The following ABCA9 variants were observed in gnomAD, a reference collection of about 807,000 sequenced individuals.
ABCA9 encodes the protein ATP-binding cassette sub-family A member 9.
Under a neutral mutation model 205.3 loss-of-function variants are expected in ABCA9, and 183 were observed. The observed-to-expected ratio is 0.89, with a 90% CI of 0.79 to 1.01. ABCA9 has a LOEUF of 1.01. Ranked by LOEUF, ABCA9 falls within the 50% of genes least tolerant of loss-of-function variation. The probability of loss-of-function intolerance (pLI) is 0.00; values close to 1 mark genes in which losing one functional copy is unlikely to be tolerated. For missense variants in ABCA9, 1,805 were observed against 1,912.4 expected, an observed-to-expected ratio of 0.94 and a Z score of 1.05; for synonymous variants, 651 against 683.3, an observed-to-expected ratio of 0.95 and a Z score of 0.74.
At chr17:69,015,530 A>G (rs962166639) in intron 22 of ABCA9, among the ~76,000 whole-genome samples, 3 of 152,178 alleles carry the variant, frequency 2.0e-5, no homozygotes, top group African/African-American at 7.2e-5. Flanking sequence ...CCCCAGATCT[A>G]ATAAAGCTGA....
chr17:69,005,000 C>T (rs2070070786), intron 25 of ABCA9, among the ~76,000 whole-genome samples: 1 of 152,206 alleles, frequency 6.6e-6, no homozygotes, highest in African/African-American at 2.4e-5. Context: ...TGCGCGCACC[C>T]ACTGACCTGC....
chr17:69,046,184 A>G (rs546915356), intron 3 of ABCA9, among the ~76,000 whole-genome samples: 2 of 152,366 alleles, frequency 1.3e-5, no homozygotes, highest in Non-Finnish European at 2.9e-5. Context: ...CAAAGACAGA[A>G]TAAAACTGTT....
rs918524718 is a variant in ABCA9 at position 69,032,414 on chromosome 17, G to A, written c.1277-138C>T. On this transcript the variant is annotated intron_variant, in intron 9 of 38. Transcript: ENST00000340001. ...GGTCTGTATTAATTACTGTTTTAAT[G>A]TGCTTTTGACACACACAGAACAGTG... is the stretch of plus-strand genomic sequence containing the variant. 12 of 773,034 alleles carry A rather than the reference G, an allele frequency of 1.6e-5. No individual in the cohort carries two copies. In the African/African-American group the frequency reaches 1.6e-4, roughly 10 times the overall value. 47.9% of individuals were successfully genotyped at this position (773,034 alleles called of 1,614,324 possible).
intron 25 of ABCA9, among the ~76,000 whole-genome samples, chr17:69,000,511 G>T (rs1361919555): frequency 6.6e-6 from 1 of 150,406 alleles, no homozygotes; most frequent in African/African-American, 2.5e-5. Flanking sequence ...CCAGTACCAT[G>T]CTGTTTTGGT....
intron 5 of ABCA9, among the ~76,000 whole-genome samples, chr17:69,043,923 G>A (rs76734566): frequency 0.04 from 6,102 of 152,198 alleles, 247 homozygotes; most frequent in African/African-American, 0.098. Flanking sequence ...TGGACAAAAC[G>A]CTACTCCTGT....
Position 69,043,489 on chromosome 17 carries a change from C to A in ABCA9, c.800G>T (p.Trp267Leu). The change falls in exon 6 of 39, where the codon TGG becomes TTG. Residue 267 changes from tryptophan (W) to leucine (L), a missense_variant and splice_region_variant. By Grantham distance (61) the Trp-to-Leu change is moderately conservative. Coordinates refer to ENST00000340001, the MANE Select transcript of ABCA9 (RefSeq NM_080283.4). ...TMMGLRESAF[W>L]LSWGLMYAGF... ...AATGGATTGGAGTCATATGATTTAC[C>A]AGAATGCTGACTCTCGGAGTCCCAT... 6.4e-7 allele frequency: 1 copy of A among 1,574,546 alleles called. No homozygotes were observed. Among genetic ancestry groups the A allele is most frequent in the South Asian group, 1.2e-5 (1 of 84,728 alleles).
chr17:69,071,030 T>TGCCTCTCTAGATTCC, the ABCA9 span, among the ~76,000 whole-genome samples: 38 of 152,308 alleles, frequency 2.5e-4, no homozygotes, highest in Non-Finnish European at 4.7e-4. Context: ...ATAGCCAGAC[T>TGCCTCTCTAGATTCC]GCCTCTCTAG....
Position 69,049,381 on chromosome 17 carries a change from T to A in ABCA9, c.206A>T (p.Asp69Val). 6.2e-7 allele frequency: 1 copy of A among 1,613,030 alleles called. No homozygotes were observed. Among genetic ancestry groups the A allele is most frequent in the East Asian group, 2.2e-5 (1 of 44,784 alleles). The change falls in exon 3 of 39, where the codon GAT (aspartate) becomes GTT (valine). Residue 69 changes from aspartate to valine, a missense_variant. Coordinates refer to ENST00000340001, the MANE Select transcript of ABCA9 (RefSeq NM_080283.4). Reference sequence around the variant, plus strand: ...AACATAATTAGTATCATTAAAACTATCTACACGTCCCAGATCCATTGAAGA... The same window carrying A: ...AACATAATTAGTATCATTAAAACTAACTACACGTCCCAGATCCATTGAAGA... ...QMSSMDLGRVDSFNDTNYVIA... is the reference protein window; with the variant it reads ...QMSSMDLGRVVSFNDTNYVIA...
chr17:69,053,566 A>C (rs1368034427), intron 1 of ABCA9, among the ~76,000 whole-genome samples: 1 of 152,208 alleles, frequency 6.6e-6, no homozygotes, highest in Non-Finnish European at 1.5e-5. Flanking sequence ...GAAATGAAGA[A>C]TGCCTTTGAT....
rs543361682 is a variant in ABCA9, at chr17:69,050,570, T to C, written c.96+461A>G. Among the ~76,000 whole-genome samples the C allele has an allele frequency of 3.3e-5, 5 of 152,326 alleles. No homozygotes were observed. In the East Asian group the frequency reaches 7.7e-4, roughly 23 times the overall value. ...TTTTCCCATTTATTTACATGATTAT[T>C]ATTTCTTTCAAACTGACATTGTCTG... is the stretch of plus-strand genomic sequence containing the variant. On this transcript the variant is annotated intron_variant, in intron 2 of 38. Transcript: ENST00000340001.
At chr17:69,003,850 C>T (rs888186844) in intron 25 of ABCA9, among the ~76,000 whole-genome samples, 10 of 152,102 alleles carry the variant, frequency 6.6e-5, no homozygotes, top group South Asian at 2.1e-4. Flanking sequence ...CTTCCCTTCT[C>T]GCTTCATTTC....
At chr17:68,989,256 TCA>T (rs71293542) in intron 30 of ABCA9, 138 bp from the exon 31 acceptor site, 24,347 of 240,340 alleles carry the variant, frequency 0.1, 986 homozygotes, top group African/African-American at 0.2. Context: ...TCTCTCTCTC[TCA>T]CACACACACA....
At chr17:69,070,318 A>G in the ABCA9 span, among the ~76,000 whole-genome samples, 2 of 152,328 alleles carry the variant, frequency 1.3e-5, no homozygotes, top group East Asian at 1.9e-4. Context: ...GCCAAAAGAG[A>G]ACAGCCCTGG....
rs529275880 is a variant in ABCA9, at chr17:69,045,126, T to C, written c.469+46A>G. 313 of 1,552,838 alleles carry C rather than the reference T, an allele frequency of 2.0e-4. 1 individual carries two copies. In the South Asian group the frequency reaches 3.4e-3, roughly 17 times the overall value. ...CTATCAGGTATGCCCCCTTTGTGGCTACTGATACAATAGCAAAAAAAATTT... is the reference window on the plus strand; with the variant it reads ...CTATCAGGTATGCCCCCTTTGTGGCCACTGATACAATAGCAAAAAAAATTT... On this transcript the variant is annotated intron_variant, in intron 4 of 38. Coordinates refer to ENST00000340001, the MANE Select transcript of ABCA9 (RefSeq NM_080283.4).
chr17:69,022,726 C>CTG (rs2070861711), intron 17 of ABCA9, among the ~76,000 whole-genome samples: 1 of 152,066 alleles, frequency 6.6e-6, no homozygotes, highest in African/African-American at 2.4e-5. Context: ...CACCTCCTCT[C>CTG]TCTGTCTCTC....
At chr17:69,045,517 T>G (rs1202764312) in intron 3 of ABCA9, among the ~76,000 whole-genome samples, 181 bp from the exon 4 acceptor site, 1 of 150,024 alleles carries the variant, frequency 6.7e-6, no homozygotes, top group Non-Finnish European at 1.5e-5. Flanking sequence ...AATCAGAAAT[T>G]TATGGCAAAC....
At chr17:69,071,498 G>A in the ABCA9 span, among the ~76,000 whole-genome samples, 4 of 152,154 alleles carry the variant, frequency 2.6e-5, no homozygotes, top group South Asian at 8.3e-4. Context: ...TGCAGAAGAG[G>A]GGCCTGACTG....
intron 26 of ABCA9, among the ~76,000 whole-genome samples, chr17:68,993,680 G>A (rs1040692538): frequency 2.6e-5 from 4 of 152,102 alleles, no homozygotes; most frequent in South Asian, 2.1e-4. Context: ...AATTTTAAAC[G>A]CTTTGCAGTA....
At chr17:68,992,498 A>C in intron 27 of ABCA9, 1 of 314,378 alleles carries the variant, frequency 3.2e-6, no homozygotes, top group Non-Finnish European at 5.9e-6. Flanking sequence ...AGTACTACCC[A>C]TGACAGATAA....
Sources: gnomAD v4.1 joint callset for allele counts (sites outside exome capture counted in the v4.1 genomes callset) on GRCh38, gnomAD v4.1.1 for gene constraint, MANE v1.5 for transcripts, NCBI Gene and HGNC (gene_info 2026-07-23, HGNC 2026-07-21) for gene names.